Variants in USE1 observed in about 807,000 individuals in gnomAD.
The protein encoded by USE1 is vesicle transport protein USE1.
In USE1, 32 loss-of-function variants were observed where a neutral mutation model predicts 37.6. The ratio of observed to expected loss-of-function variants is 0.85; its 90% CI spans 0.64 to 1.14. The LOEUF (loss-of-function observed/expected upper bound fraction) is 1.14, where lower values mean the gene tolerates loss of function less well. Among genes scored for constraint, USE1 ranks in the 50% most tolerant of loss-of-function variants. The pLI, the probability that USE1 is intolerant of heterozygous loss-of-function variation, is 0.00. For synonymous variants in USE1, 149 were observed against 137.6 expected (o/e 1.08, Z -0.58); for missense variants, 310 against 332.2 (o/e 0.93, Z 0.52).
At chr19:17,217,666 A>T in intron 5 of USE1, 1 of 730,740 alleles carries the variant, frequency 1.4e-6, no homozygotes, top group Non-Finnish European at 2.3e-6. Flanking sequence ...CACACCTGTA[A>T]TTTCGGAGGC....
chr19:17,216,870 C>T (rs944218299), intron 4 of USE1, among the ~76,000 whole-genome samples: 6 of 151,770 alleles, frequency 4.0e-5, no homozygotes, highest in African/African-American at 1.5e-4. Context: ...CCCAGCTACT[C>T]GGGAGGCTGA....
intron 6 of USE1, among the ~76,000 whole-genome samples, chr19:17,218,989 T>C (rs1287377281): frequency 6.6e-6 from 1 of 151,010 alleles, no homozygotes; most frequent in Non-Finnish European, 1.5e-5. Context: ...TAGCTGTGCA[T>C]GGTGGCAGGT....
Position 17,215,383 on chromosome 19 carries a change from G to A in USE1, c.-23G>A, listed in dbSNP as rs1463634588. The A allele has an allele frequency of 1.9e-6, 3 of 1,549,734 alleles. No individual in the cohort carries two copies. Among genetic ancestry groups the A allele is most frequent in the South Asian group, 1.2e-5 (1 of 84,104 alleles). ...TCTCTTAACATGGAGCCGGCGGAAG[G>A]GGTGGTGTAGGGCCGGGCGATAATG... On this transcript the variant is annotated 5_prime_UTR_variant, in exon 1 of 8. Transcript: ENST00000263897.
rs368279277 is a variant in USE1 at position 17,216,086 on chromosome 19, C to T, written c.231+16C>T. 5.6e-6 allele frequency: 9 copies of T among 1,613,050 alleles called. No individual in the cohort carries two copies. Among genetic ancestry groups the T allele is most frequent in the Non-Finnish European group, 7.6e-6 (9 of 1,179,664 alleles). The stretch of plus-strand genomic sequence containing the variant: ...CGAGAAGCTGGTGAGAAGGGGTGCC[C>T]CTGCCCCCTCAGCCCCCATCACCGC... On this transcript the variant is annotated intron_variant, in intron 3 of 7. Coordinates refer to ENST00000263897, the MANE Select transcript of USE1 (RefSeq NM_018467.4).
In USE1 at chr19:17,216,165, G is replaced by A; in HGVS notation, c.232-4G>A. 1 of 1,612,918 alleles carries A rather than the reference G, an allele frequency of 6.2e-7. No homozygotes were observed. Among genetic ancestry groups the A allele is most frequent in the Non-Finnish European group, 8.5e-7 (1 of 1,179,548 alleles). On this transcript the variant is annotated splice_polypyrimidine_tract_variant and splice_region_variant and intron_variant, in intron 3 of 7. Transcript: ENST00000263897. ...CAGTGACTTATCTTCCCACATTTCT[G>A]CAGACCTCCTCCTCAGAGAAAGCAC... is the stretch of plus-strand genomic sequence containing the variant.
Position 17,218,491 on chromosome 19 carries a change from G to A in USE1, c.422+100G>A. On this transcript the variant is annotated intron_variant, in intron 6 of 7. Transcript: ENST00000263897. ...CTGGACCACCGAGGCACTACCACAA[G>A]GATCTAAACCAACCAGAAGCCACTT... is the stretch of plus-strand genomic sequence containing the variant. 2 of 1,495,544 alleles carry A rather than the reference G, an allele frequency of 1.3e-6. 1 individual carries two copies. The highest frequency in any genetic ancestry group is 2.4e-5 in the South Asian group (2 of 83,822). The allele number at this position is 1,495,544 out of a possible 1,614,324, so 92.6% of individuals were successfully genotyped here. A position where few individuals can be genotyped will look rare whatever the true frequency, so the allele number is the denominator to read the frequency against.
rs754008078 is a variant in USE1 at position 17,216,297 on chromosome 19, G to A, written c.360G>A (p.Glu120=). Residue 120 remains glutamate (E), a synonymous_variant, in exon 4 of 8, where the codon GAG becomes GAA. Coordinates refer to ENST00000263897, the MANE Select transcript of USE1 (RefSeq NM_018467.4). ...HLQSRARYTS[E]MRSELLGTDS... ...AGTCACGGGCGCGGTACACCAGCGA[G>A]ATGCGGAGTGAGCTACTAGGCACGG... The A allele has an allele frequency of 1.2e-6, 2 of 1,612,662 alleles. No individual in the cohort carries two copies. The highest frequency in any genetic ancestry group is 3.3e-5 in the Admixed American group (2 of 60,020).
At chr19:17,218,288 A>C in intron 5 of USE1, 76 bp from the exon 6 acceptor site, 2 of 1,598,744 alleles carry the variant, frequency 1.3e-6, no homozygotes, top group Non-Finnish European at 1.7e-6. Flanking sequence ...CAGTAGACCC[A>C]GCACAGGCAA....
intron 1 of USE1, 33 bp from the exon 2 acceptor site, chr19:17,215,769 A>T: frequency 7.2e-7 from 1 of 1,389,202 alleles, no homozygotes; most frequent in South Asian, 1.2e-5. Context: ...CATGGGAAAG[A>T]CCCCCGGGTG....
At position 17,215,614 on chromosome 19, in the gene USE1, C is replaced by T. The variant is rs1032625347; in HGVS notation, c.102+107C>T. 91 of 1,411,464 alleles carry T rather than the reference C, an allele frequency of 6.4e-5. 1 individual carries two copies. The South Asian group carries it at 1.2e-3, about 19-fold the overall frequency. 87.4% of individuals were successfully genotyped at this position (1,411,464 alleles called of 1,614,324 possible). On this transcript the variant is annotated intron_variant, in intron 1 of 7. Transcript: ENST00000263897. ...CCGGCCCCAGTAGCCTCTCGGGCAG[C>T]GCCCTTTCCGGTCAGTCCCGCCACG...
intron 4 of USE1, 57 bp downstream of exon 4, chr19:17,216,378 C>A: frequency 1.3e-6 from 2 of 1,582,096 alleles, no homozygotes; most frequent in South Asian, 1.1e-5. Context: ...GGGTTCTATG[C>A]TTGTAGGCAG....
chr19:17,218,392 G>GT lies in USE1; in HGVS notation c.422+2dup, dbSNP rs1568309478. 8.1e-6 allele frequency: 13 copies of GT among 1,613,682 alleles called. No homozygotes were observed. The highest frequency in any genetic ancestry group is 1.0e-5 in the Non-Finnish European group (12 of 1,179,760). The stretch of plus-strand genomic sequence containing the variant: ...CTGAGATGGACGTAAGGAAGAGAAC[G>GT]TGAGTGTCTGCGGCCCTGGGGCAGT... On this transcript the variant is annotated splice_donor_variant, in intron 6 of 7. Coordinates refer to ENST00000263897, the MANE Select transcript of USE1 (RefSeq NM_018467.4). LOFTEE classifies it high-confidence loss of function.
chr19:17,217,848 GT>G (rs2073300136), intron 5 of USE1: 2 of 372,528 alleles, frequency 5.4e-6, no homozygotes, highest in African/African-American at 4.3e-5. Context: ...GGAGGTGGAG[GT>G]TGCAATGAGC....
intron 2 of USE1, 55 bp downstream of exon 2, chr19:17,215,906 C>T: frequency 6.3e-7 from 1 of 1,587,436 alleles, no homozygotes; most frequent in Non-Finnish European, 8.6e-7. Context: ...TGCTACTGGA[C>T]ATCCCAGTAC....
At chr19:17,217,906 C>A in intron 5 of USE1, 3 of 316,802 alleles carry the variant, frequency 9.5e-6, no homozygotes, top group South Asian at 2.5e-5. Flanking sequence ...AGCAAGACTC[C>A]GTCTCAAAAA....
chr19:17,216,423 A>G, intron 4 of USE1, 102 bp downstream of exon 4: 6 of 1,481,624 alleles, frequency 4.0e-6, no homozygotes, highest in Non-Finnish European at 5.5e-6. Flanking sequence ...CAGGAACCCT[A>G]AGGGGGTCCA....
At chr19:17,219,134 A>G in intron 6 of USE1, 79 bp from the exon 7 acceptor site, 1 of 1,505,696 alleles carries the variant, frequency 6.6e-7, no homozygotes. Context: ...ATCAAAAAAA[A>G]AAAAAAAGAA....
At chr19:17,218,155 G>A in intron 5 of USE1, 1 of 595,600 alleles carries the variant, frequency 1.7e-6, no homozygotes, top group South Asian at 2.1e-5. Context: ...TAGGCTGGAG[G>A]GAGGGACCTG....
At position 17,216,020 on chromosome 19, in the gene USE1, T is replaced by C. The variant is rs1453436374; in HGVS notation, c.181T>C (p.Tyr61His). 1.9e-6 allele frequency: 3 copies of C among 1,609,540 alleles called. No individual in the cohort carries two copies. The African/African-American group carries it at 4.0e-5, about 21-fold the overall frequency. Reference protein sequence around the residue: ...SKPASEVINEYSWKVDFLKGM... With the variant: ...SKPASEVINEHSWKVDFLKGM... ...ACCGGCCTCTGAGGTGATCAATGAATATTCCTGGAAGGTGGATTTTCTGAA... is the reference window on the plus strand; with the variant it reads ...ACCGGCCTCTGAGGTGATCAATGAACATTCCTGGAAGGTGGATTTTCTGAA... The change falls in exon 3 of 8, where the codon TAT (tyrosine) becomes CAT (histidine). Residue 61 changes from tyrosine (Y) to histidine (H), a missense_variant. By Grantham distance (83) the Tyr-to-His change is moderately conservative. Transcript: ENST00000263897.
Sources: allele counts gnomAD v4.1 joint callset (sites outside exome capture counted in the v4.1 genomes callset), GRCh38; gene constraint gnomAD v4.1.1; transcripts MANE v1.5; gene names NCBI Gene and HGNC (gene_info 2026-07-23, HGNC 2026-07-21).